Variants in DRICH1 observed in about 807,000 individuals in gnomAD.
DRICH1 encodes aspartate rich 1, also known as aspartate-rich protein 1.
Under a neutral mutation model 39.5 loss-of-function variants are expected in DRICH1, and 38 were observed. The ratio of observed to expected loss-of-function variants is 0.96; its 90% CI spans 0.74 to 1.26. The LOEUF (loss-of-function observed/expected upper bound fraction) is 1.26. Among genes scored for constraint, DRICH1 ranks in the 50% most tolerant of loss-of-function variants. The pLI, the probability that DRICH1 is intolerant of heterozygous loss-of-function variation, is 0.00. For synonymous variants in DRICH1, 84 were observed against 99.5 expected, an observed-to-expected ratio of 0.84 and a Z score of 0.93; for missense variants, 279 against 270.4, an observed-to-expected ratio of 1.03 and a Z score of -0.22.
At position 23,631,795 on chromosome 22, in the gene DRICH1, C is replaced by G. The variant is rs559326935; in HGVS notation, c.208+21G>C. 3 of 1,603,622 alleles carry G rather than the reference C, an allele frequency of 1.9e-6. No individual in the cohort carries two copies. In the South Asian group the frequency reaches 3.3e-5, roughly 18 times the overall value. ...GGCCAGAGGTGTGCCAGAGGGTAAA[C>G]GGCACCCGTGGCTTTTTTACCTGTG... On this transcript the variant is annotated intron_variant, in intron 1 of 11. Coordinates refer to ENST00000317749, the MANE Select transcript of DRICH1 (RefSeq NM_016449.4).
chr22:23,588,902 G>A, the DRICH1 span, among the ~76,000 whole-genome samples: 10 of 152,084 alleles, frequency 6.6e-5, no homozygotes, highest in African/African-American at 1.7e-4. Flanking sequence ...CTTTGTCAGC[G>A]TGGCATTTCT....
At chr22:23,623,751 A>ACTTGGT in intron 3 of DRICH1, 1 of 171,826 alleles carries the variant, frequency 5.8e-6, no homozygotes, top group Non-Finnish European at 1.2e-5. Flanking sequence ...GAAATCTACA[A>ACTTGGT]AAAACAGAAA....
intron 3 of DRICH1, among the ~76,000 whole-genome samples, chr22:23,623,514 A>G (rs947069444): frequency 6.6e-6 from 1 of 152,240 alleles, no homozygotes; most frequent in Non-Finnish European, 1.5e-5. Flanking sequence ...AGAACATACA[A>G]ATAAGTAGAA....
rs539110157 is a variant in DRICH1, at chr22:23,608,531, C to T, written c.*233G>A. On this transcript the variant is annotated 3_prime_UTR_variant, in exon 12 of 12. Coordinates refer to ENST00000317749, the MANE Select transcript of DRICH1 (RefSeq NM_016449.4). ...GCACAGTCACGTCTCTTCTCACTCT[C>T]TTGCCAAAGGAGAAATGCCAGGCCC... The T allele has an allele frequency of 1.9e-6, 1 of 539,516 alleles. No homozygotes were observed. Among genetic ancestry groups the T allele is most frequent in the Admixed American group, 3.0e-5 (1 of 33,440 alleles). 33.4% of individuals were successfully genotyped at this position (539,516 alleles called of 1,614,324 possible).
At chr22:23,607,392 C>T (rs1237733929), downstream of DRICH1, among the ~76,000 whole-genome samples, 1 of 152,166 alleles carries the variant, frequency 6.6e-6, no homozygotes, top group Non-Finnish European at 1.5e-5. Context: ...TACATCCTGG[C>T]CTCAAAACTG....
chr22:23,616,704 C>T, intron 8 of DRICH1, 149 bp downstream of exon 8: 1 of 1,092,946 alleles, frequency 9.1e-7, no homozygotes, highest in African/African-American at 1.6e-5. Flanking sequence ...CACATTTCTA[C>T]AGCCCCTCTT....
intron 6 of DRICH1, among the ~76,000 whole-genome samples, chr22:23,618,651 T>G (rs1470129459): frequency 6.6e-6 from 1 of 152,118 alleles, no homozygotes; most frequent in Non-Finnish European, 1.5e-5. Flanking sequence ...CTGCTCTACC[T>G]GTACCAGTGA....
At chr22:23,597,874 A>T in the DRICH1 span, among the ~76,000 whole-genome samples, 41 of 152,260 alleles carry the variant, frequency 2.7e-4, no homozygotes, top group Non-Finnish European at 5.3e-4. Context: ...CACCCAGTGC[A>T]GCCCTGAAAT....
intron 11 of DRICH1, 152 bp from the exon 12 acceptor site, chr22:23,608,920 C>T: frequency 1.2e-6 from 1 of 826,802 alleles, no homozygotes; most frequent in South Asian, 1.5e-5. Context: ...GGAAACTCAT[C>T]AGCCAGGGAC....
intron 1 of DRICH1, among the ~76,000 whole-genome samples, chr22:23,629,101 C>G (rs1206228443): frequency 6.6e-6 from 1 of 152,122 alleles, no homozygotes; most frequent in Non-Finnish European, 1.5e-5. Context: ...TGCAATGGCT[C>G]GATCTCAGCT....
At chr22:23,621,884 CTGAG>C (rs1427970263) in intron 4 of DRICH1, among the ~76,000 whole-genome samples, 1 of 151,962 alleles carries the variant, frequency 6.6e-6, no homozygotes, top group Non-Finnish European at 1.5e-5. Context: ...GCCTGGTGAA[CTGAG>C]TGAGACTCTG....
At chr22:23,601,600 T>A in the DRICH1 span, among the ~76,000 whole-genome samples, 1 of 152,078 alleles carries the variant, frequency 6.6e-6, no homozygotes, top group Non-Finnish European at 1.5e-5. Context: ...AAGGGCAACA[T>A]GAGGGATGTT....
chr22:23,608,463 A>G lies in DRICH1; in HGVS notation c.*301T>C. ...CCTCTGCACCTGAATAAATGCACTC[A>G]GTCTCTTTATTTCAAGTGGGAATGG... On this transcript the variant is annotated 3_prime_UTR_variant, in exon 12 of 12. Coordinates refer to ENST00000317749, the MANE Select transcript of DRICH1 (RefSeq NM_016449.4). 1 of 472,466 alleles carries G rather than the reference A, an allele frequency of 2.1e-6. No individual in the cohort carries two copies. Among genetic ancestry groups the G allele is most frequent in the Non-Finnish European group, 3.8e-6 (1 of 261,232 alleles). The allele number at this position is 472,466 out of a possible 1,614,324, so 29.3% of individuals were successfully genotyped here. A position where few individuals can be genotyped will look rare whatever the true frequency, so the allele number is the denominator to read the frequency against.
chr22:23,593,222 C>T, the DRICH1 span, among the ~76,000 whole-genome samples: 6 of 151,970 alleles, frequency 3.9e-5, no homozygotes, highest in South Asian at 1.2e-3. Flanking sequence ...AAAAGAACCT[C>T]AACAAAAATT....
chr22:23,598,802 GC>G, the DRICH1 span, among the ~76,000 whole-genome samples: 1,801 of 149,688 alleles, frequency 0.012, 14 homozygotes, highest in Middle Eastern at 0.021. Context: ...CTCCATACAG[GC>G]GCCCTCCATA....
intron 1 of DRICH1, among the ~76,000 whole-genome samples, chr22:23,628,284 C>CA (rs1471738161): frequency 2.6e-5 from 4 of 152,052 alleles, no homozygotes; most frequent in African/African-American, 9.7e-5. Context: ...ATACACACGT[C>CA]AGCCAGGCAC....
rs1022142284 is a variant in DRICH1 at position 23,614,165 on chromosome 22, A to T, written c.591T>A (p.Asp197Glu). 3 of 1,613,854 alleles carry T rather than the reference A, an allele frequency of 1.9e-6. No individual in the cohort carries two copies. The highest frequency in any genetic ancestry group is 1.1e-5 in the South Asian group (1 of 91,078). Reference sequence around the variant, plus strand: ...TGTCATCATCATCTTCTTCTTCTTCATCTTTGTGTCTCAGTGAGCATCTTA... The same window carrying T: ...TGTCATCATCATCTTCTTCTTCTTCTTCTTTGTGTCTCAGTGAGCATCTTA... ...LFLRCSLRHK[D>E]EEEEDDDDIH... Residue 197 changes from aspartate to glutamate, a missense_variant, in exon 9 of 12, where the codon GAT (aspartate) becomes GAA (glutamate). By Grantham distance (45) the Asp-to-Glu change is conservative (BLOSUM62 2). Transcript: ENST00000317749.
At chr22:23,594,746 T>C in the DRICH1 span, among the ~76,000 whole-genome samples, 1 of 151,882 alleles carries the variant, frequency 6.6e-6, no homozygotes, top group African/African-American at 2.4e-5. Context: ...ATAAACAGGA[T>C]CTATTCCTGT....
At chr22:23,616,556 C>A (rs149249895) in intron 8 of DRICH1, among the ~76,000 whole-genome samples, 1 of 152,304 alleles carries the variant, frequency 6.6e-6, no homozygotes, top group East Asian at 1.9e-4. Context: ...GCATACTCTT[C>A]CCTGCTGAGA....
Sources: allele counts gnomAD v4.1 joint callset (sites outside exome capture counted in the v4.1 genomes callset), GRCh38; gene constraint gnomAD v4.1.1; transcripts MANE v1.5; gene names NCBI Gene and HGNC (gene_info 2026-07-23, HGNC 2026-07-21).